The following AMN1 variants were observed in gnomAD, a reference collection of about 807,000 sequenced individuals.
AMN1 encodes protein AMN1 homolog.
Under a neutral mutation model 33.0 loss-of-function variants are expected in AMN1, and 20 were observed. The observed-to-expected ratio is 0.61, with a 90% CI of 0.43 to 0.88. AMN1 has a LOEUF of 0.88. Ranked by LOEUF, AMN1 falls within the 40% of genes least tolerant of loss-of-function variation. The pLI, the probability that AMN1 is intolerant of heterozygous loss-of-function variation, is 0.00. For missense variants in AMN1, 246 were observed against 307.4 expected, an observed-to-expected ratio of 0.80 and a Z score of 1.49; for synonymous variants, 114 against 111.9, an observed-to-expected ratio of 1.02 and a Z score of -0.12.
chr12:31,678,075 T>C (rs1327596901), intron 6 of AMN1, among the ~76,000 whole-genome samples: 1 of 152,220 alleles, frequency 6.6e-6, no homozygotes, highest in Non-Finnish European at 1.5e-5. Context: ...TCTACATGGC[T>C]GTCCATGCTT....
At chr12:31,721,848 T>C (rs948818666) in intron 1 of AMN1, among the ~76,000 whole-genome samples, 3 of 152,270 alleles carry the variant, frequency 2.0e-5, no homozygotes, top group Non-Finnish European at 2.9e-5. Flanking sequence ...TCTAATGGAA[T>C]AGACTGCAAT....
rs564082843 is a variant in AMN1 at position 31,707,889 on chromosome 12, G to A, written c.171+1404C>T. Among the ~76,000 whole-genome samples, 24 of 152,218 alleles carry A rather than the reference G, an allele frequency of 1.6e-4. No individual in the cohort carries two copies. The South Asian group carries it at 5.0e-3, about 32-fold the overall frequency. Reference sequence around the variant, plus strand: ...GGAACATAAATTGTGAAGATTTCATGGACATTTATCACTTCCCAAATAATG... The same window carrying A: ...GGAACATAAATTGTGAAGATTTCATAGACATTTATCACTTCCCAAATAATG... On this transcript the variant is annotated intron_variant, in intron 2 of 6. Transcript: ENST00000281471.
chr12:31,703,953 A>G (rs1939114420), intron 2 of AMN1, among the ~76,000 whole-genome samples: 1 of 152,202 alleles, frequency 6.6e-6, no homozygotes, highest in Non-Finnish European at 1.5e-5. Context: ...CCTTATTACT[A>G]AAACAGGATA....
At chr12:31,729,066 A>ACCGTCCGCCAACTCC (rs1356456115), upstream of AMN1, 3 of 1,462,142 alleles carry the variant, frequency 2.1e-6, no homozygotes, top group Admixed American at 2.4e-5. Flanking sequence ...CCAGCCAGGG[A>ACCGTCCGCCAACTCC]CCGTCCGCCA....
chr12:31,698,413 T>C (rs1006278340), intron 3 of AMN1, among the ~76,000 whole-genome samples: 1 of 152,230 alleles, frequency 6.6e-6, no homozygotes. Context: ...TAGCTATGCC[T>C]ATGTGTTCTC....
intron 1 of AMN1, among the ~76,000 whole-genome samples, chr12:31,726,722 T>G (rs1338162720): frequency 6.6e-6 from 1 of 152,216 alleles, no homozygotes; most frequent in Non-Finnish European, 1.5e-5. Flanking sequence ...AATAGCTTGC[T>G]GACCAACTGC....
intron 6 of AMN1, among the ~76,000 whole-genome samples, chr12:31,681,346 A>G (rs1216772724): frequency 6.6e-6 from 1 of 152,050 alleles, no homozygotes; most frequent in Non-Finnish European, 1.5e-5. Flanking sequence ...CTCCTGCCTT[A>G]GCCTCCTGAG....
intron 1 of AMN1, chr12:31,714,880 A>G: frequency 2.0e-6 from 2 of 978,442 alleles, no homozygotes; most frequent in Non-Finnish European, 2.4e-6. Flanking sequence ...TTAACTTATT[A>G]CCTGAACAGA....
At chr12:31,713,590 C>T (rs1939554216) in intron 1 of AMN1, among the ~76,000 whole-genome samples, 1 of 152,260 alleles carries the variant, frequency 6.6e-6, no homozygotes, top group South Asian at 2.1e-4. Flanking sequence ...TCTATAATCC[C>T]AGCACTTTGG....
chr12:31,704,298 G>A (rs1939127880), intron 2 of AMN1, among the ~76,000 whole-genome samples: 1 of 152,078 alleles, frequency 6.6e-6, no homozygotes, highest in African/African-American at 2.4e-5. Flanking sequence ...TTGATGACTA[G>A]TAAGGTTAAA....
intron 1 of AMN1, among the ~76,000 whole-genome samples, chr12:31,716,199 G>A (rs543479734): frequency 6.6e-6 from 1 of 151,962 alleles, no homozygotes; most frequent in African/African-American, 2.4e-5. Flanking sequence ...CCATTTTCAC[G>A]TTGTTCATGT....
At position 31,674,838 on chromosome 12, in the gene AMN1, A is replaced by T. The variant is rs191918038; in HGVS notation, c.704-2461T>A. Among the ~76,000 whole-genome samples the T allele has an allele frequency of 9.7e-3, 1,467 of 151,998 alleles. 19 individuals are homozygous for T. The highest frequency in any genetic ancestry group is 0.033 in the African/African-American group (1,388 of 41,438). On this transcript the variant is annotated intron_variant, in intron 6 of 6. Coordinates refer to ENST00000281471, the MANE Select transcript of AMN1 (RefSeq NM_001113402.2). ...CAAGACCAGCCTGGCTAAGATGGGA[A>T]AACCCCGTCTCTACTAAAAATACAA...
chr12:31,673,510 A>G (rs10743763), intron 6 of AMN1: 152,955 of 236,858 alleles, frequency 0.65, 50,311 homozygotes, highest in East Asian at 0.86. Flanking sequence ...TCAAAGATAG[A>G]TTCAAATTAT....
chr12:31,691,610 C>A (rs536228777), intron 5 of AMN1, among the ~76,000 whole-genome samples: 33 of 151,978 alleles, frequency 2.2e-4, no homozygotes, highest in African/African-American at 7.7e-4. Context: ...TTTTGAATAA[C>A]AAATTGTAAA....
At chr12:31,703,937 T>C (rs1939113656) in intron 2 of AMN1, among the ~76,000 whole-genome samples, 1 of 152,222 alleles carries the variant, frequency 6.6e-6, no homozygotes, top group African/African-American at 2.4e-5. Flanking sequence ...CTCTGTGCTT[T>C]ACTAGCCTTA....
At chr12:31,711,134 C>A (rs954683609) in intron 1 of AMN1, among the ~76,000 whole-genome samples, 5 of 152,022 alleles carry the variant, frequency 3.3e-5, no homozygotes, top group Admixed American at 2.6e-4. Context: ...GGTCCAAACT[C>A]CTCACTTGGG....
intron 5 of AMN1, among the ~76,000 whole-genome samples, chr12:31,696,791 C>T (rs1307223579): frequency 1.3e-5 from 2 of 151,596 alleles, no homozygotes; most frequent in African/African-American, 2.4e-5. Flanking sequence ...GTCGGTGGCA[C>T]ACATCTGTAA....
chr12:31,723,113 G>A (rs760568352), intron 1 of AMN1, among the ~76,000 whole-genome samples: 10 of 151,812 alleles, frequency 6.6e-5, no homozygotes, highest in Non-Finnish European at 1.3e-4. Context: ...AGCTGAGATC[G>A]GGCCACTGCA....
chr12:31,704,370 G>C (rs1446426641), intron 2 of AMN1, among the ~76,000 whole-genome samples: 1 of 151,520 alleles, frequency 6.6e-6, no homozygotes, highest in Non-Finnish European at 1.5e-5. Flanking sequence ...TGATTCTTCT[G>C]GTTTTTTATT....
Sources: allele counts gnomAD v4.1 joint callset (sites outside exome capture counted in the v4.1 genomes callset), GRCh38; gene constraint gnomAD v4.1.1; transcripts MANE v1.5; gene names NCBI Gene and HGNC (gene_info 2026-07-23, HGNC 2026-07-21).